Variants in PECR observed in about 807,000 individuals in gnomAD.
PECR encodes the protein 2,4-dienoyl-CoA reductase-related protein.
A neutral mutation model predicts 35.3 loss-of-function variants in PECR; 30 were observed. That is an observed-to-expected ratio of 0.85 (90% CI 0.64 to 1.15). PECR has a LOEUF of 1.15. PECR is among the 50% of genes most tolerant of loss of function. The pLI, the probability that PECR is intolerant of heterozygous loss-of-function variation, is 0.00. For synonymous variants in PECR, 148 were observed against 138.9 expected, an observed-to-expected ratio of 1.07 and a Z score of -0.46; for missense variants, 392 against 370.8, an observed-to-expected ratio of 1.06 and a Z score of -0.47.
At chr2:216,063,335 T>G (rs1360266223) in intron 3 of PECR, among the ~76,000 whole-genome samples, 4 of 152,154 alleles carry the variant, frequency 2.6e-5, no homozygotes, top group African/African-American at 4.8e-5. Context: ...TACAGAAAAA[T>G]ATGGCTGGGC....
intron 4 of PECR, among the ~76,000 whole-genome samples, chr2:216,055,454 AAAACAAAAAAAC>A (rs759071485): frequency 3.9e-4 from 60 of 152,020 alleles, no homozygotes; most frequent in Non-Finnish European, 6.3e-4. Flanking sequence ...AAAAAACAAA[AAAACAAAAAAAC>A]AAACAAACAA....
chr2:216,029,943 C>G (rs1000816793), intron 7 of PECR, among the ~76,000 whole-genome samples: 6 of 152,156 alleles, frequency 3.9e-5, no homozygotes, highest in Non-Finnish European at 8.8e-5. Flanking sequence ...GGCCTGTGGT[C>G]GGTGCACATG....
At chr2:216,043,109 A>ACGTATGCG (rs1340691582) in intron 7 of PECR, among the ~76,000 whole-genome samples, 4 of 145,576 alleles carry the variant, frequency 2.7e-5, no homozygotes, top group African/African-American at 1.0e-4. Flanking sequence ...ATGCGTATAT[A>ACGTATGCG]TATATATTTT....
At chr2:216,050,030 C>A (rs1007013636) in intron 5 of PECR, among the ~76,000 whole-genome samples, 1 of 151,964 alleles carries the variant, frequency 6.6e-6, no homozygotes, top group African/African-American at 2.4e-5. Context: ...CCAGCCTGGG[C>A]AAAATAGGGA....
chr2:216,068,413 T>C (rs751244833), intron 1 of PECR, among the ~76,000 whole-genome samples: 4 of 151,884 alleles, frequency 2.6e-5, no homozygotes, highest in South Asian at 2.1e-4. Context: ...ATCTTTACGG[T>C]ATGGAAAGCA....
At chr2:216,048,568 G>A (rs957246033) in intron 6 of PECR, among the ~76,000 whole-genome samples, 4 of 151,888 alleles carry the variant, frequency 2.6e-5, no homozygotes, top group African/African-American at 9.7e-5. Flanking sequence ...AAATCAGTCA[G>A]GTGTGGTGGC....
chr2:216,031,519 G>GAAA (rs1694698292), intron 7 of PECR, among the ~76,000 whole-genome samples: 2 of 116,328 alleles, frequency 1.7e-5, no homozygotes, highest in Admixed American at 1.0e-4. Context: ...AAGGAAGGAA[G>GAAA]GGAAAAGAAA....
chr2:216,058,862 G>T (rs1464535617), intron 4 of PECR, 33 bp downstream of exon 4: 3 of 1,248,512 alleles, frequency 2.4e-6, no homozygotes, highest in Admixed American at 1.7e-5. Context: ...AAAACTCAAA[G>T]ACTTAGAAAG....
In PECR at chr2:216,051,281, C is replaced by CAAA. The variant is rs147574036; in HGVS notation, c.603+165_603+167dup. ...GGCCTGGGCGACAGAGACTCCATCT[C>CAAA]AAAAAAAAAAAAAAAAAAAAAAGAA... On this transcript the variant is annotated intron_variant, in intron 5 of 7. Coordinates refer to ENST00000265322, the MANE Select transcript of PECR (RefSeq NM_018441.6). 7.5e-3 allele frequency among the ~76,000 whole-genome samples: 694 copies of CAAA among 93,126 alleles called. 17 individuals carry two copies. The highest frequency in any genetic ancestry group is 0.029 in the African/African-American group (642 of 22,428). 61.1% of individuals were successfully genotyped at this position (93,126 alleles called of 152,430 possible). A position where few individuals can be genotyped will look rare whatever the true frequency, so the allele number is the denominator to read the frequency against.
At chr2:216,066,624 A>G (rs550352008) in intron 1 of PECR, 106 bp from the exon 2 acceptor site, 2 of 945,670 alleles carry the variant, frequency 2.1e-6, no homozygotes, top group Non-Finnish European at 3.5e-6. Context: ...ATATGCCTTC[A>G]TGAGTTGTCC....
chr2:216,068,284 T>A (rs1695511421), intron 1 of PECR, among the ~76,000 whole-genome samples: 1 of 130,764 alleles, frequency 7.6e-6, no homozygotes, highest in African/African-American at 2.9e-5. Flanking sequence ...TATAATTAAA[T>A]AGACCAGTGA....
rs2303842 is a variant in PECR, at chr2:216,043,956, C to T, written c.774G>A (p.Ser258=). ...SPAASFITGQ[S]VDVDGGRSLY... ...GACTCCGGCCCCCATCCACATCCAC[C>T]GACTGTCCAGTGATGAAGGAAGCTG... The change falls in exon 7 of 8, where the codon TCG becomes TCA. Residue 258 remains serine (S), a synonymous_variant. Coordinates refer to ENST00000265322, the MANE Select transcript of PECR (RefSeq NM_018441.6). 0.24 allele frequency: 382,613 copies of T among 1,609,022 alleles called. 48,836 individuals carry two copies. Among genetic ancestry groups the T allele is most frequent in the Non-Finnish European group, 0.26 (309,707 of 1,175,568 alleles).
At chr2:216,050,940 T>C (rs1053047374) in intron 5 of PECR, 4 of 151,966 alleles carry the variant, frequency 2.6e-5, no homozygotes, top group Admixed American at 2.6e-4. Flanking sequence ...ATCACTGGTT[T>C]AACATTCTTG....
chr2:216,053,737 T>C (rs912087776), intron 4 of PECR, among the ~76,000 whole-genome samples: 10 of 152,182 alleles, frequency 6.6e-5, no homozygotes, highest in African/African-American at 2.4e-4. Context: ...TTGTGTAATT[T>C]TTCTTTTTCA....
chr2:216,078,979 T>C (rs1223488252), intron 1 of PECR, among the ~76,000 whole-genome samples: 2 of 152,336 alleles, frequency 1.3e-5, no homozygotes, highest in East Asian at 1.9e-4. Context: ...CAAAGTGGAC[T>C]AGGGTCCTAC....
At chr2:216,037,889 A>G (rs1231215486), downstream of PECR, among the ~76,000 whole-genome samples, 1 of 151,880 alleles carries the variant, frequency 6.6e-6, no homozygotes, top group Non-Finnish European at 1.5e-5. Flanking sequence ...GATCAAGACC[A>G]GCCTGGCCAA....
rs138879163 is a variant in PECR at position 216,047,719 on chromosome 2, C to T, written c.714+1544G>A. 5.7e-3 allele frequency among the ~76,000 whole-genome samples: 870 copies of T among 151,968 alleles called. 12 individuals carry two copies. Among genetic ancestry groups the T allele is most frequent in the African/African-American group, 0.02 (825 of 41,364 alleles). On this transcript the variant is annotated intron_variant, in intron 6 of 7. Coordinates refer to ENST00000265322, the MANE Select transcript of PECR (RefSeq NM_018441.6). ...CATTATACCATGAAGGGTAATCCTC[C>T]CATTATTCATTTTCAAAACATTTTT...
Position 216,043,938 on chromosome 2 carries a change from G to A in PECR, c.792C>T (p.Gly264=). 6.2e-7 allele frequency: 1 copy of A among 1,610,268 alleles called. No individual in the cohort carries two copies. The part of the protein sequence containing the change: ...ITGQSVDVDG[G]RSLYTHSYEV... ...CATACGAGTGAGTATAGAGACTCCG[G>A]CCCCCATCCACATCCACCGACTGTC... Residue 264 remains glycine, a synonymous_variant, in exon 7 of 8, where the codon GGC becomes GGT. Transcript: ENST00000265322.
At chr2:216,043,078 T>TAC (rs1162735994) in intron 7 of PECR, among the ~76,000 whole-genome samples, 1 of 146,056 alleles carries the variant, frequency 6.8e-6, no homozygotes, top group East Asian at 2.0e-4. Flanking sequence ...TATGTATATA[T>TAC]ATACACATAC....
Sources: allele counts gnomAD v4.1 joint callset (sites outside exome capture counted in the v4.1 genomes callset), GRCh38; gene constraint gnomAD v4.1.1; transcripts MANE v1.5; gene names NCBI Gene and HGNC (gene_info 2026-07-23, HGNC 2026-07-21).